The following LRFN5 variants were observed in gnomAD, a reference collection of about 807,000 sequenced individuals.
LRFN5 encodes the protein leucine-rich repeat and fibronectin type-III domain-containing protein 5.
Under a neutral mutation model 45.6 loss-of-function variants are expected in LRFN5, and 24 were observed. The ratio of observed to expected loss-of-function variants is 0.53; its 90% confidence interval spans 0.38 to 0.74. LRFN5 has a LOEUF of 0.74. Among genes scored for constraint, LRFN5 ranks in the 30% least tolerant of loss-of-function variants. The probability of loss-of-function intolerance (pLI) is 0.00; values close to 1 mark genes in which losing one functional copy is unlikely to be tolerated. For missense variants in LRFN5, 776 were observed against 861.5 expected (o/e 0.90, Z 1.24); for synonymous variants, 340 against 313.8 (o/e 1.08, Z -0.88).
chr14:41,634,688 T>C (rs894275851), intron 1 of LRFN5, among the ~76,000 whole-genome samples: 1 of 152,156 alleles, frequency 6.6e-6, no homozygotes, highest in African/African-American at 2.4e-5. Flanking sequence ...TATGTTCCAA[T>C]GTGTACTAAC....
At chr14:41,863,988 G>A (rs768022760) in intron 2 of LRFN5, among the ~76,000 whole-genome samples, 2 of 151,830 alleles carry the variant, frequency 1.3e-5, no homozygotes, top group Non-Finnish European at 2.9e-5. Flanking sequence ...CCAGCTTCAT[G>A]CAGAGGACAT....
chr14:41,749,619 GA>G (rs746664277), intron 1 of LRFN5, among the ~76,000 whole-genome samples: 2 of 152,084 alleles, frequency 1.3e-5, no homozygotes, highest in African/African-American at 2.4e-5. Context: ...GAAACCATAT[GA>G]CCTTATGAAT....
At chr14:41,635,731 C>T (rs777321238) in intron 1 of LRFN5, among the ~76,000 whole-genome samples, 5 of 151,934 alleles carry the variant, frequency 3.3e-5, no homozygotes, top group Non-Finnish European at 7.4e-5. Context: ...AGGTGAGGTC[C>T]AAATCATGTT....
chr14:41,755,274 A>G (rs570490357), intron 1 of LRFN5, among the ~76,000 whole-genome samples: 6 of 152,320 alleles, frequency 3.9e-5, no homozygotes, highest in Admixed American at 2.0e-4. Context: ...GTAGATGTCT[A>G]TTAGGTCCGC....
At chr14:41,694,669 A>AT (rs1404878410) in intron 1 of LRFN5, among the ~76,000 whole-genome samples, 7 of 151,638 alleles carry the variant, frequency 4.6e-5, no homozygotes, top group Non-Finnish European at 7.4e-5. Flanking sequence ...TATTAGTGCC[A>AT]TTTTTTCCAA....
rs557016873 is a variant in LRFN5 at position 41,741,825 on chromosome 14, A to C, written c.-196-25029A>C. On this transcript the variant is annotated intron_variant, in intron 1 of 5. Transcript: ENST00000298119. ...GTAAGGGGCTAAAATAAAAAAAAAA[A>C]ACCAAAAAACTAATTTAGTAATAGA... Among the ~76,000 whole-genome samples, 10 of 151,660 alleles carry C rather than the reference A, an allele frequency of 6.6e-5. No individual in the cohort carries two copies. The South Asian group carries it at 1.2e-3, about 19-fold the overall frequency.
At chr14:41,891,162 A>C (rs1457076311) in intron 3 of LRFN5, 88 bp from the exon 4 acceptor site, 2 of 983,288 alleles carry the variant, frequency 2.0e-6, no homozygotes, top group African/African-American at 1.6e-5. Flanking sequence ...AATGATACTG[A>C]AATGACACTG....
intron 1 of LRFN5, among the ~76,000 whole-genome samples, chr14:41,691,794 T>C (rs1224071797): frequency 6.6e-6 from 1 of 152,130 alleles, no homozygotes; most frequent in Non-Finnish European, 1.5e-5. Context: ...ACTAATACTT[T>C]CTGATGTCTA....
At chr14:41,691,977 G>A (rs34935531) in intron 1 of LRFN5, among the ~76,000 whole-genome samples, 17,645 of 151,788 alleles carry the variant, frequency 0.12, 1,422 homozygotes, top group East Asian at 0.44. Context: ...CCATTATTTT[G>A]TCAATGGATA....
chr14:41,825,094 G>A (rs1888248437), intron 2 of LRFN5, among the ~76,000 whole-genome samples: 1 of 152,186 alleles, frequency 6.6e-6, no homozygotes, highest in East Asian at 1.9e-4. Flanking sequence ...AGATAGCTCT[G>A]CAGCTCACCT....
chr14:41,678,484 T>C (rs978531951), intron 1 of LRFN5, among the ~76,000 whole-genome samples: 4 of 152,058 alleles, frequency 2.6e-5, no homozygotes, highest in African/African-American at 9.7e-5. Context: ...ATAATGGATA[T>C]AACAATAAAA....
chr14:41,832,490 G>A (rs557940018), intron 2 of LRFN5, among the ~76,000 whole-genome samples: 1 of 152,136 alleles, frequency 6.6e-6, no homozygotes, highest in South Asian at 2.1e-4. Context: ...CCTCCCTTCG[G>A]AACTAAGATT....
chr14:41,723,302 T>C (rs1883802418), intron 1 of LRFN5, among the ~76,000 whole-genome samples: 1 of 152,132 alleles, frequency 6.6e-6, no homozygotes, highest in South Asian at 2.1e-4. Flanking sequence ...GTGCTTAGAA[T>C]GCCTGGAAGT....
At chr14:41,657,312 G>T (rs1880425737) in intron 1 of LRFN5, among the ~76,000 whole-genome samples, 1 of 151,844 alleles carries the variant, frequency 6.6e-6, no homozygotes, top group South Asian at 2.1e-4. Flanking sequence ...ATGGATACAG[G>T]ATAATTTTAA....
intron 1 of LRFN5, among the ~76,000 whole-genome samples, chr14:41,617,976 G>T (rs1887981036): frequency 6.6e-6 from 1 of 152,192 alleles, no homozygotes; most frequent in Middle Eastern, 3.4e-3. Context: ...TGTGCTACTT[G>T]TGTAGACTGC....
At chr14:41,654,388 CATGTACATAGT>C (rs1880277139) in intron 1 of LRFN5, among the ~76,000 whole-genome samples, 1 of 151,782 alleles carries the variant, frequency 6.6e-6, no homozygotes, top group Non-Finnish European at 1.5e-5. Flanking sequence ...GAGTTTTTAG[CATGTACATAGT>C]ATGTACATAG....
intron 1 of LRFN5, among the ~76,000 whole-genome samples, chr14:41,665,389 A>G (rs1209375966): frequency 6.6e-6 from 1 of 152,064 alleles, no homozygotes; most frequent in Non-Finnish European, 1.5e-5. Context: ...AATTTATAGA[A>G]CATGTAACTA....
intron 2 of LRFN5, among the ~76,000 whole-genome samples, chr14:41,874,208 G>A (rs191745456): frequency 6.6e-6 from 1 of 152,236 alleles, no homozygotes; most frequent in African/African-American, 2.4e-5. Context: ...CCTAATTCCT[G>A]TGACCATTGA....
chr14:41,801,101 A>G (rs976131956), intron 2 of LRFN5, among the ~76,000 whole-genome samples: 1 of 152,114 alleles, frequency 6.6e-6, no homozygotes, highest in African/African-American at 2.4e-5. Context: ...TACATGTGAA[A>G]ATATTGGTAA....
Sources: allele counts gnomAD v4.1 joint callset (sites outside exome capture counted in the v4.1 genomes callset), GRCh38; gene constraint gnomAD v4.1.1; transcripts MANE v1.5; gene names NCBI Gene and HGNC (gene_info 2026-07-23, HGNC 2026-07-21).